The following BTC variants were observed in gnomAD, a reference collection of about 807,000 sequenced individuals.
BTC encodes betacellulin.
BTC carries 13 observed loss-of-function variants against 18.1 expected under a neutral mutation model. The ratio of observed to expected loss-of-function variants is 0.72; its 90% CI spans 0.47 to 1.14. The LOEUF is 1.14. Among genes scored for constraint, BTC ranks in the 50% most tolerant of loss-of-function variants. The pLI, the probability that BTC is intolerant of heterozygous loss-of-function variation, is 0.00. For missense variants in BTC, 247 were observed against 224.2 expected, an observed-to-expected ratio of 1.10 and a Z score of -0.65; for synonymous variants, 83 against 79.4, an observed-to-expected ratio of 1.05 and a Z score of -0.24.
chr4:74,749,920 G>A (rs1335252886), intron 4 of BTC, among the ~76,000 whole-genome samples: 10 of 130,752 alleles, frequency 7.6e-5, no homozygotes, highest in African/African-American at 3.1e-4. Flanking sequence ...CATAGTGAGA[G>A]CCAGTCTCCA....
rs2109872797 is a variant in BTC, at chr4:74,746,209, C to T, written c.*468G>A. The T allele has an allele frequency of 6.6e-6, 1 of 152,310 alleles. No individual in the cohort carries two copies. Among genetic ancestry groups the T allele is most frequent in the Admixed American group, 6.5e-5 (1 of 15,304 alleles). 9.4% of individuals were successfully genotyped at this position (152,310 alleles called of 1,614,324 possible). A position where few individuals can be genotyped will look rare whatever the true frequency, so the allele number is the denominator to read the frequency against. ...TGGATTAGATTATTTGACTTGACTTCTTTGGCCCTGTTTCCATATGTAGGA... is the reference window on the plus strand; with the variant it reads ...TGGATTAGATTATTTGACTTGACTTTTTTGGCCCTGTTTCCATATGTAGGA... On this transcript the variant is annotated 3_prime_UTR_variant, in exon 6 of 6. Transcript: ENST00000395743.
At chr4:74,764,789 A>G (rs763172652) in intron 2 of BTC, among the ~76,000 whole-genome samples, 26 of 152,182 alleles carry the variant, frequency 1.7e-4, no homozygotes, top group Non-Finnish European at 3.4e-4. Context: ...AAGATGCTGT[A>G]TTAGTCTGTT....
At chr4:74,747,051 C>A (rs1724310697) in intron 5 of BTC, among the ~76,000 whole-genome samples, 1 of 152,178 alleles carries the variant, frequency 6.6e-6, no homozygotes, top group South Asian at 2.1e-4. Context: ...TACGTGTGAG[C>A]CTCTGGTTTG....
chr4:74,757,492 A>G (rs1274649149), intron 2 of BTC, among the ~76,000 whole-genome samples: 1 of 152,244 alleles, frequency 6.6e-6, no homozygotes, highest in Non-Finnish European at 1.5e-5. Flanking sequence ...TCTTCCAGAA[A>G]TAACTGCAAA....
rs138202155 is a variant in BTC, at chr4:74,770,076, G to T, written c.145C>A (p.Pro49Thr). 6.2e-7 allele frequency: 1 copy of T among 1,610,224 alleles called. No homozygotes were observed. Among genetic ancestry groups the T allele is most frequent in the East Asian group, 2.2e-5 (1 of 44,774 alleles). The change falls in exon 2 of 6, where the codon CCT (proline) becomes ACT (threonine). Residue 49 changes from proline (P) to threonine (T), a missense_variant. Pro to Thr is a conservative substitution (Grantham distance 38). Coordinates refer to ENST00000395743, the MANE Select transcript of BTC (RefSeq NM_001729.4). Reference protein sequence around the residue: ...PETNGLLCGDPEENCAATTTQ... With the variant: ...PETNGLLCGDTEENCAATTTQ... The stretch of plus-strand genomic sequence containing the variant: ...ACTTTACCTGCACAGTTTTCCTCAG[G>T]GTCTCCACAGAGGAGGCCATTAGTT...
At chr4:74,757,759 C>T (rs1293672672) in intron 2 of BTC, among the ~76,000 whole-genome samples, 1 of 152,092 alleles carries the variant, frequency 6.6e-6, no homozygotes, top group Non-Finnish European at 1.5e-5. Flanking sequence ...ACACTGGATT[C>T]GGAGAAAGAA....
intron 1 of BTC, among the ~76,000 whole-genome samples, chr4:74,776,271 G>C (rs904447976): frequency 2.6e-5 from 4 of 151,360 alleles, no homozygotes; most frequent in Non-Finnish European, 5.9e-5. Context: ...ACAATCTGTT[G>C]TCTGATCCTT....
At chr4:74,758,952 C>T (rs28698836) in intron 2 of BTC, among the ~76,000 whole-genome samples, 5,990 of 150,780 alleles carry the variant, frequency 0.04, 381 homozygotes, top group African/African-American at 0.14. Flanking sequence ...CATAAATATA[C>T]ACACACACAC....
At chr4:74,785,585 A>G (rs952308201) in intron 1 of BTC, among the ~76,000 whole-genome samples, 1 of 152,202 alleles carries the variant, frequency 6.6e-6, no homozygotes, top group African/African-American at 2.4e-5. Flanking sequence ...CGAATAGCCA[A>G]ACTGGCTAGT....
rs1466793289 is a variant in BTC, at chr4:74,744,970, T to C, written c.*1707A>G. 1.3e-5 allele frequency: 2 copies of C among 152,190 alleles called. No homozygotes were observed. The highest frequency in any genetic ancestry group is 6.5e-5 in the Admixed American group (1 of 15,282). The allele number at this position is 152,190 out of a possible 1,614,324, so 9.4% of individuals were successfully genotyped here. ...AAAATGGCTTGAGAGATTTTGTTGG[T>C]CAGCCAAACTCAGTCCAGGAAAAAA... On this transcript the variant is annotated 3_prime_UTR_variant, in exon 6 of 6. Transcript: ENST00000395743.
chr4:74,759,168 C>T (rs782188429), intron 2 of BTC, among the ~76,000 whole-genome samples: 5 of 151,890 alleles, frequency 3.3e-5, no homozygotes, highest in African/African-American at 7.3e-5. Context: ...ATATAGGGCA[C>T]GGGAGGGGGA....
chr4:74,782,407 T>C (rs187793442), intron 1 of BTC, among the ~76,000 whole-genome samples: 118 of 152,324 alleles, frequency 7.7e-4, no homozygotes, highest in Admixed American at 2.7e-3. Context: ...TTCCAACTTT[T>C]TCATGTCCAT....
Position 74,794,414 on chromosome 4 carries a change from C to A in BTC, c.-89G>T. 7.5e-7 allele frequency: 1 copy of A among 1,327,904 alleles called. No homozygotes were observed. 82.3% of individuals were successfully genotyped at this position (1,327,904 alleles called of 1,614,324 possible). A position where few individuals can be genotyped will look rare whatever the true frequency, so the allele number is the denominator to read the frequency against. On this transcript the variant is annotated 5_prime_UTR_variant, in exon 1 of 6. Coordinates refer to ENST00000395743, the MANE Select transcript of BTC (RefSeq NM_001729.4). ...CGGGCCTCGGGCGCCTGAGAGGGTG[C>A]CTGGAAACTAATCCCGGAGGCAGAA...
intron 1 of BTC, among the ~76,000 whole-genome samples, chr4:74,783,587 CTT>C (rs71220728): frequency 7.9e-4 from 66 of 83,560 alleles, no homozygotes; most frequent in African/African-American, 2.7e-3. Context: ...CTATTCGGCT[CTT>C]TTTTTTTTTT....
chr4:74,765,805 G>C (rs898818484), intron 2 of BTC, among the ~76,000 whole-genome samples: 1 of 152,110 alleles, frequency 6.6e-6, no homozygotes, highest in Admixed American at 6.6e-5. Flanking sequence ...CAGAAACCTT[G>C]TAGGCCAGAA....
At chr4:74,763,470 T>C (rs1183426292) in intron 2 of BTC, among the ~76,000 whole-genome samples, 3 of 152,120 alleles carry the variant, frequency 2.0e-5, no homozygotes, top group Non-Finnish European at 2.9e-5. Context: ...AGTCAAATAC[T>C]CATTTTTGCC....
chr4:74,793,875 C>A (rs1208522179), intron 1 of BTC, among the ~76,000 whole-genome samples: 1 of 152,116 alleles, frequency 6.6e-6, no homozygotes, highest in Non-Finnish European at 1.5e-5. Context: ...TCCCTGCTCG[C>A]CCCTGCCCCC....
chr4:74,757,193 G>A (rs1724624417), intron 2 of BTC, among the ~76,000 whole-genome samples: 1 of 152,196 alleles, frequency 6.6e-6, no homozygotes, highest in Non-Finnish European at 1.5e-5. Context: ...TTTATTAATA[G>A]CAATGACTAC....
At chr4:74,748,389 G>A (rs1453132294) in intron 4 of BTC, among the ~76,000 whole-genome samples, 3 of 152,154 alleles carry the variant, frequency 2.0e-5, no homozygotes, top group East Asian at 1.9e-4. Context: ...ACAAAAAATT[G>A]GCCGGACGTG....
Sources: gnomAD v4.1 joint callset for allele counts (sites outside exome capture counted in the v4.1 genomes callset) on GRCh38, gnomAD v4.1.1 for gene constraint, MANE v1.5 for transcripts, NCBI Gene and HGNC (gene_info 2026-07-23, HGNC 2026-07-21) for gene names.